LAT2: variants seen among roughly 807,000 people sequenced by gnomAD.
The protein encoded by LAT2 is linker for activation of T-cells family member 2.
In LAT2, 23 loss-of-function variants were observed where a neutral mutation model predicts 43.4. The ratio of observed to expected loss-of-function variants is 0.53; its 90% confidence interval spans 0.38 to 0.75. The LOEUF (loss-of-function observed/expected upper bound fraction) is 0.75. Ranked by LOEUF, LAT2 falls within the 30% of genes least tolerant of loss-of-function variation. LAT2 has a pLI of 0.00. For synonymous variants in LAT2, 128 were observed against 123.2 expected (o/e 1.04, Z -0.26); for missense variants, 284 against 310.2 (o/e 0.92, Z 0.64).
chr7:74,220,355 G>A lies in LAT2; in HGVS notation c.265+101G>A, dbSNP rs1554714997. 6 of 1,363,020 alleles carry A rather than the reference G, an allele frequency of 4.4e-6. No homozygotes were observed. Among genetic ancestry groups the A allele is most frequent in the South Asian group, 1.3e-5 (1 of 77,696 alleles). The allele number at this position is 1,363,020 out of a possible 1,614,324, so 84.4% of individuals were successfully genotyped here. A position where few individuals can be genotyped will look rare whatever the true frequency, so the allele number is the denominator to read the frequency against. On this transcript the variant is annotated intron_variant, in intron 7 of 13. Transcript: ENST00000460943. The surrounding 1 kb of genome is among the most constrained non-coding windows in gnomAD (Gnocchi z 4.5). ...GGCGTCGTGCAGTGGGGGCTGCGGG[G>A]CCAGGCGAGGCCTCCCCAGGAGAGA...
Position 74,220,356 on chromosome 7 carries a change from C to A in LAT2, c.265+102C>A. On this transcript the variant is annotated intron_variant, in intron 7 of 13. Transcript: ENST00000460943. This position sits in a 1 kb window ranked among gnomAD's most constrained non-coding sequence, Gnocchi z 4.5. ...GCGTCGTGCAGTGGGGGCTGCGGGG[C>A]CAGGCGAGGCCTCCCCAGGAGAGAC... 7.3e-7 allele frequency: 1 copy of A among 1,362,440 alleles called. No individual in the cohort carries two copies. The highest frequency in any genetic ancestry group is 1.9e-5 in the Admixed American group (1 of 52,206). The allele number at this position is 1,362,440 out of a possible 1,614,324, so 84.4% of individuals were successfully genotyped here. A position where few individuals can be genotyped will look rare whatever the true frequency, so the allele number is the denominator to read the frequency against.
intron 1 of LAT2, among the ~76,000 whole-genome samples, chr7:74,214,253 A>T (rs1230899826): frequency 1.6e-5 from 1 of 60,884 alleles, no homozygotes; most frequent in Non-Finnish European, 2.8e-5. Flanking sequence ...TATATATATA[A>T]ATATATATAT....
rs75814892 is a variant in LAT2 at position 74,219,636 on chromosome 7, C to T, written c.135-108C>T. ...GTTCCTCCCCACTGTCGCCCCAGTC[C>T]GTCCCTCTGCTTTCCCTCCTCATCC... is the stretch of plus-strand genomic sequence containing the variant. On this transcript the variant is annotated intron_variant, in intron 4 of 13. Coordinates refer to ENST00000460943, the MANE Select transcript of LAT2 (RefSeq NM_032464.3). 5,560 of 1,341,762 alleles carry T rather than the reference C, an allele frequency of 4.1e-3. 145 individuals are homozygous for T. In the African/African-American group the frequency reaches 0.059, roughly 14 times the overall value. The allele number at this position is 1,341,762 out of a possible 1,614,324, so 83.1% of individuals were successfully genotyped here. A position where few individuals can be genotyped will look rare whatever the true frequency, so the allele number is the denominator to read the frequency against.
At chr7:74,213,263 G>A (rs898681315) in intron 1 of LAT2, among the ~76,000 whole-genome samples, 1 of 150,668 alleles carries the variant, frequency 6.6e-6, no homozygotes, top group South Asian at 2.1e-4. Context: ...GATTACAGGC[G>A]CCCACCACCA....
chr7:74,219,745 C>T lies in LAT2; in HGVS notation c.136C>T (p.Arg46Cys), dbSNP rs201707855. ...SEKIYQQRSL[R>C]EDQQSFTGSR... ...TCAGCACAGCCCATGCATTTCCAGG[C>T]GTGAGGACCAACAGAGCTTTACGGG... Residue 46 changes from arginine (R) to cysteine (C), a missense_variant and splice_region_variant, in exon 5 of 14, where the codon CGT becomes TGT. By Grantham distance (180) the Arg-to-Cys change is radical. Coordinates refer to ENST00000460943, the MANE Select transcript of LAT2 (RefSeq NM_032464.3). The T allele has an allele frequency of 1.4e-5, 22 of 1,614,010 alleles. No homozygotes were observed. In the African/African-American group the frequency reaches 1.5e-4, roughly 11 times the overall value.
chr7:74,214,149 TAAATATATATATGA>T (rs1448616193), intron 1 of LAT2, among the ~76,000 whole-genome samples: 30 of 94,402 alleles, frequency 3.2e-4, no homozygotes, highest in East Asian at 7.7e-4. Context: ...AAAATATATA[TAAATATATATATGA>T]AAATATATAT....
rs76644970 is a variant in LAT2 at position 74,217,899 on chromosome 7, A to T, written c.134+1035A>T. Among the ~76,000 whole-genome samples, 1,033 of 152,284 alleles carry T rather than the reference A, an allele frequency of 6.8e-3. 15 individuals are homozygous for T. Among genetic ancestry groups the T allele is most frequent in the African/African-American group, 0.021 (886 of 41,552 alleles). Reference sequence around the variant, plus strand: ...TTTGCAACTGAAAAACCACAGTGAGATTTGAAAATAGAATCTTCCCATCCT... The same window carrying T: ...TTTGCAACTGAAAAACCACAGTGAGTTTTGAAAATAGAATCTTCCCATCCT... On this transcript the variant is annotated intron_variant, in intron 4 of 13. Coordinates refer to ENST00000460943, the MANE Select transcript of LAT2 (RefSeq NM_032464.3).
Position 74,220,521 on chromosome 7 carries a change from C to A in LAT2, c.266-63C>A. On this transcript the variant is annotated intron_variant, in intron 7 of 13. Coordinates refer to ENST00000460943, the MANE Select transcript of LAT2 (RefSeq NM_032464.3). This position sits in a 1 kb window ranked among gnomAD's most constrained non-coding sequence, Gnocchi z 4.5. ...TAGCTGGCCCTGCCTTGGGCTGCAG[C>A]ACCCGAGCTGGGTGCAAAGCAGGGG... The A allele has an allele frequency of 1.2e-6, 2 of 1,603,736 alleles. No homozygotes were observed. Among genetic ancestry groups the A allele is most frequent in the South Asian group, 2.2e-5 (2 of 90,606 alleles).
intron 1 of LAT2, among the ~76,000 whole-genome samples, chr7:74,210,709 A>C (rs1436517399): frequency 6.6e-6 from 1 of 152,240 alleles, no homozygotes; most frequent in African/African-American, 2.4e-5. Flanking sequence ...GCATTTGGGG[A>C]GGCCAAGGCG....
intron 3 of LAT2, 36 bp from the exon 4 acceptor site, chr7:74,216,789 C>G (rs782251842): frequency 1.2e-6 from 2 of 1,609,274 alleles, no homozygotes; most frequent in African/African-American, 1.3e-5. Flanking sequence ...CGCAGCTGCT[C>G]CCAGACCCTT....
chr7:74,223,888 C>A, intron 11 of LAT2, 105 bp downstream of exon 11: 2 of 1,481,606 alleles, frequency 1.3e-6, no homozygotes, highest in Non-Finnish European at 1.9e-6. Context: ...CACTTTGAAG[C>A]CTGAAGGCTC....
chr7:74,225,380 A>C (rs782278643), intron 13 of LAT2: 2 of 152,206 alleles, frequency 1.3e-5, no homozygotes, highest in African/African-American at 2.4e-5. Flanking sequence ...ACAGAGCGAG[A>C]CTCCGTCTCA....
rs1482907771 is a variant in LAT2, at chr7:74,221,698, G to A, written c.388+6G>A. On this transcript the variant is annotated splice_donor_region_variant and intron_variant, in intron 10 of 13. Transcript: ENST00000460943. ...GTTCTCGAAGCCCCCAGAAGGTGAG[G>A]CGAAGGACAAAGCCGGAGGTGGAGG... 4 of 1,610,948 alleles carry A rather than the reference G, an allele frequency of 2.5e-6. No individual in the cohort carries two copies. The highest frequency in any genetic ancestry group is 3.4e-6 in the Non-Finnish European group (4 of 1,178,660).
intron 13 of LAT2, 49 bp downstream of exon 13, chr7:74,224,809 G>A: frequency 7.4e-7 from 1 of 1,355,998 alleles, no homozygotes; most frequent in South Asian, 1.4e-5. Flanking sequence ...TGGAGGTCTT[G>A]CCAAGCTGCA....
rs368492080 is a variant in LAT2, at chr7:74,224,208, G to T, written c.628+11G>T. 1 of 1,610,914 alleles carries T rather than the reference G, an allele frequency of 6.2e-7. No individual in the cohort carries two copies. On this transcript the variant is annotated intron_variant, in intron 12 of 13. Coordinates refer to ENST00000460943, the MANE Select transcript of LAT2 (RefSeq NM_032464.3). ...CCAGGAAGGTCATGGGTAGGTGGCC[G>T]GGAGAAGAGGCAGGGTGGTCCACTT...
chr7:74,216,979 C>T (rs1292830572), intron 4 of LAT2, 115 bp downstream of exon 4: 6 of 878,666 alleles, frequency 6.8e-6, no homozygotes, highest in Admixed American at 1.9e-5. Flanking sequence ...TCCTCCGTGC[C>T]AAGTTCTAGT....
Position 74,214,779 on chromosome 7 carries a change from ATATATATATATATT to A in LAT2, c.-218-41_-218-28del, listed in dbSNP as rs1554713979. ...TATATATAAACATATATATATAAATATATATATATATATTTTTTTTTTTTTTTGTATTTTTTTTG... is the reference window on the plus strand; with the variant it reads ...TATATATAAACATATATATATAAATATTTTTTTTTTTTTGTATTTTTTTTG... On this transcript the variant is annotated intron_variant, in intron 1 of 13. Coordinates refer to ENST00000460943, the MANE Select transcript of LAT2 (RefSeq NM_032464.3). The A allele has an allele frequency of 2.3e-3, 187 of 81,900 alleles. 4 individuals are homozygous for A. The highest frequency in any genetic ancestry group is 0.011 in the African/African-American group (176 of 16,354). The allele number at this position is 81,900 out of a possible 1,614,324, so 5.1% of individuals were successfully genotyped here.
rs1554714887 is a variant in LAT2 at position 74,220,002 on chromosome 7, C to A, written c.221C>A (p.Pro74His). 2.5e-6 allele frequency: 4 copies of A among 1,613,702 alleles called. No individual in the cohort carries two copies. Among genetic ancestry groups the A allele is most frequent in the Middle Eastern group, 1.7e-4 (1 of 6,054 alleles). Residue 74 changes from proline to histidine, a missense_variant, in exon 6 of 14, where the codon CCC becomes CAC. Physicochemically the swap from Pro to His is moderately conservative, Grantham distance 77 (BLOSUM62 -2). Coordinates refer to ENST00000460943, the MANE Select transcript of LAT2 (RefSeq NM_032464.3). The surrounding 1 kb of genome is among the most constrained non-coding windows in gnomAD (Gnocchi z 4.5). ...AWPGPLADMAPTRKDKLLQFY... is the reference protein window; with the variant it reads ...AWPGPLADMAHTRKDKLLQFY... ...CCAGGACCCCTGGCGGACATGGCAC[C>A]CACAAGGTAGGTCACAGTCCCCCAG... is the stretch of plus-strand genomic sequence containing the variant.
At chr7:74,224,255 C>A in intron 12 of LAT2, 58 bp downstream of exon 12, 2 of 1,556,190 alleles carry the variant, frequency 1.3e-6, no homozygotes, top group Non-Finnish European at 1.7e-6. Context: ...GAGGGACTGG[C>A]CTGGAAGGGC....
Sources: gnomAD v4.1 joint callset for allele counts (sites outside exome capture counted in the v4.1 genomes callset) on GRCh38, gnomAD v4.1.1 for gene constraint, Gnocchi (gnomAD v3.1) non-coding constraint, MANE v1.5 for transcripts, NCBI Gene and HGNC (gene_info 2026-07-23, HGNC 2026-07-21) for gene names.